CLPB: variants seen among roughly 807,000 people sequenced by gnomAD.
CLPB encodes the protein ClpB family mitochondrial disaggregase.
Under a neutral mutation model 78.4 loss-of-function variants are expected in CLPB, and 40 were observed. The ratio of observed to expected loss-of-function variants is 0.51; its 90% confidence interval spans 0.40 to 0.66. The LOEUF is 0.66. Ranked by LOEUF, CLPB falls within the 30% of genes least tolerant of loss-of-function variation. CLPB has a pLI of 0.00. For synonymous variants in CLPB, 333 were observed against 348.0 expected (o/e 0.96, Z 0.48); for missense variants, 780 against 886.9 (o/e 0.88, Z 1.53).
At chr11:72,399,400 C>T (rs568952989) in intron 3 of CLPB, among the ~76,000 whole-genome samples, 1 of 152,256 alleles carries the variant, frequency 6.6e-6, no homozygotes, top group African/African-American at 2.4e-5. Flanking sequence ...AGTTTTCCCT[C>T]TCCTGTGTAT....
At chr11:72,316,994 TCAAC>T (rs2135527236) in intron 7 of CLPB, 108 bp downstream of exon 7, 1 of 666,546 alleles carries the variant, frequency 1.5e-6, no homozygotes, top group Non-Finnish European at 2.5e-6. Flanking sequence ...TAGATAGTAC[TCAAC>T]AAATGCTAAT....
intron 7 of CLPB, among the ~76,000 whole-genome samples, chr11:72,314,607 G>A (rs1949906303): frequency 6.6e-6 from 1 of 152,094 alleles, no homozygotes; most frequent in African/African-American, 2.4e-5. Flanking sequence ...TTTGAGCAGG[G>A]TGCTGTGCCA....
chr11:72,289,990 A>C lies in CLPB; in HGVS notation c.*3377T>G, dbSNP rs1005846757. The C allele has an allele frequency of 6.6e-6, 1 of 152,214 alleles. No individual in the cohort carries two copies. The highest frequency in any genetic ancestry group is 2.4e-5 in the African/African-American group (1 of 41,458). 9.4% of individuals were successfully genotyped at this position (152,214 alleles called of 1,614,324 possible). A position where few individuals can be genotyped will look rare whatever the true frequency, so the allele number is the denominator to read the frequency against. On this transcript the variant is annotated 3_prime_UTR_variant, in exon 16 of 16. Coordinates refer to ENST00000538039, the MANE Select transcript of CLPB (RefSeq NM_001258392.3). ...AGCTCTGTCTGCTGAGCAGGCCTAC[A>C]AGCAATGACACTCCGCCAATGATAC...
chr11:72,419,204 G>T (rs1237485775), intron 2 of CLPB, among the ~76,000 whole-genome samples: 2 of 152,192 alleles, frequency 1.3e-5, no homozygotes, highest in African/African-American at 4.8e-5. Context: ...AATTCCAGTT[G>T]GTTCTGGCGG....
chr11:72,317,677 T>A (rs758748060), intron 6 of CLPB, among the ~76,000 whole-genome samples: 1 of 152,246 alleles, frequency 6.6e-6, no homozygotes, highest in Non-Finnish European at 1.5e-5. Context: ...TTGAAAAACG[T>A]TTTGCTCAAA....
chr11:72,299,885 G>A (rs948761019), intron 11 of CLPB, among the ~76,000 whole-genome samples: 19 of 152,168 alleles, frequency 1.2e-4, no homozygotes, highest in African/African-American at 4.3e-4. Flanking sequence ...GTGAAGTGAC[G>A]GAGGAGGGGG....
At chr11:72,399,005 C>A (rs545073030) in intron 3 of CLPB, among the ~76,000 whole-genome samples, 1 of 151,952 alleles carries the variant, frequency 6.6e-6, no homozygotes, top group Non-Finnish European at 1.5e-5. Context: ...TAGCACCTGA[C>A]ACCACAGAGT....
intron 11 of CLPB, among the ~76,000 whole-genome samples, chr11:72,296,137 G>GC (rs1215027599): frequency 2.0e-5 from 3 of 152,350 alleles, no homozygotes; most frequent in Non-Finnish European, 4.4e-5. Context: ...CCAGCATGCT[G>GC]CAGGAATTCA....
At position 72,383,291 on chromosome 11, in the gene CLPB, GA is replaced by G. The variant is rs1179180746; in HGVS notation, c.543-2908del. ...TGTAATCCCAGCACTTTGGGAGGCT[GA>G]GGGGGGCGGATCATGAGGTCAGGAG... is the stretch of plus-strand genomic sequence containing the variant. On this transcript the variant is annotated intron_variant, in intron 3 of 15. Transcript: ENST00000538039. Among the ~76,000 whole-genome samples, 3 of 151,984 alleles carry G rather than the reference GA, an allele frequency of 2.0e-5. No homozygotes were observed. The South Asian group carries it at 6.2e-4, about 31-fold the overall frequency.
At chr11:72,408,162 C>T in intron 2 of CLPB, 1 of 1,535,608 alleles carries the variant, frequency 6.5e-7, no homozygotes, top group Non-Finnish European at 8.7e-7. Flanking sequence ...TTCAGCCCTG[C>T]CCAGCTTCTT....
intron 11 of CLPB, among the ~76,000 whole-genome samples, chr11:72,298,346 C>A (rs1949594498): frequency 6.6e-6 from 1 of 152,202 alleles, no homozygotes; most frequent in Non-Finnish European, 1.5e-5. Flanking sequence ...GTCCCTAGCG[C>A]AGCACCGACC....
intron 2 of CLPB, among the ~76,000 whole-genome samples, chr11:72,424,670 C>T (rs1455025621): frequency 2.0e-5 from 3 of 151,948 alleles, no homozygotes; most frequent in Admixed American, 6.6e-5. Flanking sequence ...CCGAGGCGGG[C>T]GGATCACGAG....
chr11:72,308,002 G>A (rs1460481480), intron 8 of CLPB, among the ~76,000 whole-genome samples: 1 of 152,120 alleles, frequency 6.6e-6, no homozygotes, highest in African/African-American at 2.4e-5. Flanking sequence ...GGAATGGGGG[G>A]GTTCTGTCAG....
At chr11:72,425,416 G>C (rs555352321) in intron 2 of CLPB, among the ~76,000 whole-genome samples, 1 of 152,116 alleles carries the variant, frequency 6.6e-6, no homozygotes, top group African/African-American at 2.4e-5. Flanking sequence ...CACTCTGTGG[G>C]GTTAGTTATT....
At chr11:72,404,870 C>G (rs1855660985) in intron 2 of CLPB, among the ~76,000 whole-genome samples, 1 of 152,116 alleles carries the variant, frequency 6.6e-6, no homozygotes, top group South Asian at 2.1e-4. Context: ...GGTGAAGGTC[C>G]CTTACTATAC....
At chr11:72,294,482 C>G (rs1255326076) in intron 13 of CLPB, 38 bp from the exon 14 acceptor site, 1 of 1,613,234 alleles carries the variant, frequency 6.2e-7, no homozygotes, top group Non-Finnish European at 8.5e-7. Context: ...AGCTCAGTGA[C>G]CCAGAGCGGG....
At chr11:72,321,232 A>G (rs1461056372) in intron 6 of CLPB, among the ~76,000 whole-genome samples, 1 of 152,202 alleles carries the variant, frequency 6.6e-6, no homozygotes, top group Admixed American at 6.5e-5. Context: ...ATAGGGATCC[A>G]CTAGAGAAGA....
intron 6 of CLPB, among the ~76,000 whole-genome samples, chr11:72,319,051 T>TCA (rs1476067339): frequency 2.0e-5 from 3 of 152,298 alleles, no homozygotes; most frequent in Non-Finnish European, 2.9e-5. Flanking sequence ...CAAGGGTTTG[T>TCA]TGGGTCAGTT....
intron 3 of CLPB, among the ~76,000 whole-genome samples, chr11:72,383,555 A>T (rs1239117063): frequency 1.3e-5 from 2 of 151,258 alleles, no homozygotes; most frequent in Admixed American, 1.3e-4. Flanking sequence ...AAAATTAAAG[A>T]TAAAGAAGGA....
Sources: allele counts gnomAD v4.1 joint callset (sites outside exome capture counted in the v4.1 genomes callset), GRCh38; gene constraint gnomAD v4.1.1; transcripts MANE v1.5; gene names NCBI Gene and HGNC (gene_info 2026-07-23, HGNC 2026-07-21).